Variants in LRP1B observed in about 807,000 individuals in gnomAD.
LRP1B encodes low-density lipoprotein receptor-related protein 1B.
In LRP1B, 217 loss-of-function variants were observed where a neutral mutation model predicts 556.6. The ratio of observed to expected loss-of-function variants is 0.39; its 90% CI spans 0.35 to 0.44. LRP1B has a LOEUF of 0.44. LRP1B is among the 20% of genes least tolerant of loss of function. The probability of loss-of-function intolerance (pLI) is 1.00; values close to 1 mark genes in which losing one functional copy is unlikely to be tolerated. For missense variants in LRP1B, 5,053 were observed against 5,620.8 expected (o/e 0.90, Z 3.23); for synonymous variants, 2,047 against 1,865.8 (o/e 1.10, Z -2.50).
chr2:142,007,467 T>G (rs991650741), intron 1 of LRP1B, among the ~76,000 whole-genome samples: 2 of 152,186 alleles, frequency 1.3e-5, no homozygotes, highest in Admixed American at 6.5e-5. Flanking sequence ...CCTTATCTAG[T>G]CATTAGAATT....
chr2:141,546,104 T>C (rs1198328533), intron 2 of LRP1B, among the ~76,000 whole-genome samples: 5 of 152,086 alleles, frequency 3.3e-5, no homozygotes, highest in Admixed American at 3.3e-4. Context: ...CTAGGTAAGT[T>C]CTACTCCACA....
Position 140,425,844 on chromosome 2 carries a change from A to T in LRP1B, c.10414+16660T>A, listed in dbSNP as rs551025941. 1.6e-4 allele frequency among the ~76,000 whole-genome samples: 25 copies of T among 152,306 alleles called. 3 individuals are homozygous for T. Among genetic ancestry groups the T allele is most frequent in the African/African-American group, 4.6e-4 (19 of 41,572 alleles). On this transcript the variant is annotated intron_variant, in intron 66 of 90. Coordinates refer to ENST00000389484, the MANE Select transcript of LRP1B (RefSeq NM_018557.3). The stretch of plus-strand genomic sequence containing the variant: ...GAGAATTAAATAATATTTTATACTT[A>T]TGTGATCATCCACATAAGGCACACA...
chr2:140,256,373 T>G (rs1681679312), intron 86 of LRP1B, among the ~76,000 whole-genome samples: 1 of 150,538 alleles, frequency 6.6e-6, no homozygotes, highest in South Asian at 2.1e-4. Flanking sequence ...GTCTCCCCCT[T>G]AAATCTCTCT....
intron 2 of LRP1B, among the ~76,000 whole-genome samples, chr2:141,803,063 G>A (rs1376433796): frequency 6.6e-6 from 1 of 151,840 alleles, no homozygotes; most frequent in Non-Finnish European, 1.5e-5. Context: ...CCCCGCCTGA[G>A]GGACATGTGT....
At chr2:140,255,813 T>C (rs192665862) in intron 86 of LRP1B, among the ~76,000 whole-genome samples, 30 of 152,306 alleles carry the variant, frequency 2.0e-4, no homozygotes, top group Admixed American at 5.9e-4. Context: ...TATCAATCAG[T>C]CATTTCTCAC....
intron 2 of LRP1B, among the ~76,000 whole-genome samples, chr2:141,691,587 C>A (rs561843451): frequency 2.6e-5 from 4 of 150,954 alleles, no homozygotes; most frequent in African/African-American, 4.9e-5. Context: ...AAAGCAAATG[C>A]GGGGGTCAAT....
At chr2:141,656,161 A>G (rs2105387150) in intron 2 of LRP1B, among the ~76,000 whole-genome samples, 1 of 152,296 alleles carries the variant, frequency 6.6e-6, no homozygotes, top group South Asian at 2.1e-4. Context: ...AACTTCAGAA[A>G]CCAGGCTCTT....
chr2:140,507,339 G>A (rs189755410), intron 52 of LRP1B, among the ~76,000 whole-genome samples: 4 of 152,156 alleles, frequency 2.6e-5, no homozygotes, highest in African/African-American at 9.6e-5. Context: ...AAATAGACTG[G>A]TAAAGAGCAA....
chr2:142,075,214 GTATAGGCTTAAGAAA>G (rs1306611549), intron 1 of LRP1B, among the ~76,000 whole-genome samples: 1 of 152,026 alleles, frequency 6.6e-6, no homozygotes, highest in Non-Finnish European at 1.5e-5. Flanking sequence ...AATAGGAAAG[GTATAGGCTTAAGAAA>G]TATAGGCAAA....
chr2:140,664,655 T>G (rs968915266), intron 41 of LRP1B, among the ~76,000 whole-genome samples: 6 of 152,010 alleles, frequency 3.9e-5, no homozygotes, highest in African/African-American at 1.4e-4. Flanking sequence ...AAACAGGAAC[T>G]TTTGAGAAAT....
chr2:140,907,595 A>T (rs1694294043), intron 22 of LRP1B, among the ~76,000 whole-genome samples: 1 of 152,172 alleles, frequency 6.6e-6, no homozygotes, highest in Non-Finnish European at 1.5e-5. Flanking sequence ...CTGCGGGAAC[A>T]TCACTGGCCA....
intron 2 of LRP1B, among the ~76,000 whole-genome samples, chr2:141,524,251 C>G (rs1684619499): frequency 7.8e-6 from 1 of 127,874 alleles, no homozygotes; most frequent in African/African-American, 2.7e-5. Context: ...CCTGTGAAAG[C>G]TATAAGCAAA....
intron 7 of LRP1B, among the ~76,000 whole-genome samples, chr2:141,180,870 G>T (rs1574161409): frequency 6.6e-6 from 1 of 151,932 alleles, no homozygotes; most frequent in Non-Finnish European, 1.5e-5. Flanking sequence ...TTTTGAGCAG[G>T]CTCATCTAAG....
chr2:140,835,107 T>G (rs1220012669), intron 31 of LRP1B, among the ~76,000 whole-genome samples: 1 of 152,148 alleles, frequency 6.6e-6, no homozygotes, highest in Non-Finnish European at 1.5e-5. Flanking sequence ...AATATACTTC[T>G]TTGGTCTATT....
chr2:141,730,532 T>G (rs1693231424), intron 2 of LRP1B, among the ~76,000 whole-genome samples: 1 of 152,158 alleles, frequency 6.6e-6, no homozygotes, highest in South Asian at 2.1e-4. Context: ...TTTTTGAATT[T>G]CTTGTCCAAG....
chr2:141,910,884 T>C (rs1405479855), intron 1 of LRP1B, among the ~76,000 whole-genome samples: 1 of 152,072 alleles, frequency 6.6e-6, no homozygotes, highest in Non-Finnish European at 1.5e-5. Flanking sequence ...TAGAAAAGTA[T>C]TAATAAGATA....
chr2:141,673,653 G>A lies in LRP1B; in HGVS notation c.205+136626C>T, dbSNP rs143538218. ...TATAACAATTTGGGGCCATATTATT[G>A]TCTATAATAATAGTTTTTTAGATGA... On this transcript the variant is annotated intron_variant, in intron 2 of 90. Coordinates refer to ENST00000389484, the MANE Select transcript of LRP1B (RefSeq NM_018557.3). Among the ~76,000 whole-genome samples, 951 of 152,106 alleles carry A rather than the reference G, an allele frequency of 6.3e-3. 12 individuals are homozygous for A. Among genetic ancestry groups the A allele is most frequent in the Non-Finnish European group, 5.7e-3 (388 of 67,960 alleles).
In LRP1B at chr2:141,284,552, C is replaced by T. The variant is rs184561507; in HGVS notation, c.344-29911G>A. On this transcript the variant is annotated intron_variant, in intron 3 of 90. Transcript: ENST00000389484. ...CAAATTTTTGTTAGGAAAATTCCCA[C>T]GCACAAAGCGTAGTTAAAAGATTTC... Among the ~76,000 whole-genome samples, 637 of 152,278 alleles carry T rather than the reference C, an allele frequency of 4.2e-3. 6 individuals carry two copies. The highest frequency in any genetic ancestry group is 0.014 in the African/African-American group (577 of 41,552).
At chr2:140,292,018 G>A (rs1275172927) in intron 84 of LRP1B, among the ~76,000 whole-genome samples, 1 of 152,062 alleles carries the variant, frequency 6.6e-6, no homozygotes, top group African/African-American at 2.4e-5. Context: ...GGTGTGAGAT[G>A]GTATCTCACT....
Sources: allele counts gnomAD v4.1 joint callset (sites outside exome capture counted in the v4.1 genomes callset), GRCh38; gene constraint gnomAD v4.1.1; transcripts MANE v1.5; gene names NCBI Gene and HGNC (gene_info 2026-07-23, HGNC 2026-07-21).